The following HNRNPA2B1 variants were observed in gnomAD, a reference collection of about 807,000 sequenced individuals.
The protein encoded by HNRNPA2B1 is heterogeneous nuclear ribonucleoproteins A2/B1.
HNRNPA2B1 carries 3 observed loss-of-function variants against 46.3 expected under a neutral mutation model. That is an observed-to-expected ratio of 0.06 (90% CI 0.03 to 0.17). The LOEUF (loss-of-function observed/expected upper bound fraction) is 0.17. Ranked by LOEUF, HNRNPA2B1 falls within the 10% of genes least tolerant of loss-of-function variation. The pLI is 1.00. For missense variants in HNRNPA2B1, 221 were observed against 418.9 expected (o/e 0.53, Z 4.12); for synonymous variants, 225 against 133.8 (o/e 1.68, Z -4.70).
rs1026836060 is a variant in HNRNPA2B1 at position 26,189,935 on chromosome 7, A to G, written c.*2425T>C. The G allele has an allele frequency of 1.3e-5, 2 of 152,226 alleles. No homozygotes were observed. The highest frequency in any genetic ancestry group is 6.5e-5 in the Admixed American group (1 of 15,274). The allele number at this position is 152,226 out of a possible 1,614,324, so 9.4% of individuals were successfully genotyped here. A position where few individuals can be genotyped will look rare whatever the true frequency, so the allele number is the denominator to read the frequency against. On this transcript the variant is annotated 3_prime_UTR_variant, in exon 11 of 11. Transcript: ENST00000618183. ...TACTCAAACGCTGAATATACAGTGC[A>G]TAATGAACAGCATTTTATTGGGGAC... is the stretch of plus-strand genomic sequence containing the variant.
rs753120818 is a variant in HNRNPA2B1 at position 26,196,666 on chromosome 7, G to A, written c.476-8C>T. On this transcript the variant is annotated splice_polypyrimidine_tract_variant and splice_region_variant and intron_variant, in intron 4 of 10. Transcript: ENST00000618183. ...TGGTATGGTATTTCTGCACTGGAAT[G>A]AAAAATTCAGACTCCTTTTAAATTA... The A allele has an allele frequency of 2.2e-5, 36 of 1,604,576 alleles. No homozygotes were observed. Among genetic ancestry groups the A allele is most frequent in the Non-Finnish European group, 2.8e-5 (33 of 1,173,010 alleles).
intron 1 of HNRNPA2B1, 168 bp downstream of exon 1, chr7:26,200,404 C>T: frequency 4.1e-6 from 3 of 724,964 alleles, no homozygotes; most frequent in Middle Eastern, 2.4e-4. Flanking sequence ...GCTGTTTGTA[C>T]GCTCAGGCCT....
chr7:26,193,836 T>C (rs1244291646), intron 7 of HNRNPA2B1, 142 bp from the exon 8 acceptor site: 2 of 740,062 alleles, frequency 2.7e-6, no homozygotes, highest in East Asian at 2.9e-5. Flanking sequence ...AAGGACTGAA[T>C]AACTATCCTT....
At chr7:26,195,594 A>C (rs1783488149) in intron 7 of HNRNPA2B1, 2 of 482,446 alleles carry the variant, frequency 4.1e-6, no homozygotes, top group Non-Finnish European at 3.7e-6. Flanking sequence ...ATCTAGATCC[A>C]ATCATTTTGC....
intron 9 of HNRNPA2B1, 35 bp downstream of exon 9, chr7:26,193,216 C>A: frequency 6.3e-7 from 1 of 1,597,548 alleles, no homozygotes; most frequent in Non-Finnish European, 8.5e-7. Flanking sequence ...CCTTTAATCA[C>A]AAAAATCTGA....
intron 1 of HNRNPA2B1, chr7:26,199,843 T>C (rs1784162688): frequency 6.6e-6 from 1 of 152,074 alleles, no homozygotes; most frequent in Admixed American, 6.5e-5. Flanking sequence ...GGTGATATCT[T>C]CTCTGAAACC....
chr7:26,194,327 C>T (rs142239972), intron 7 of HNRNPA2B1, among the ~76,000 whole-genome samples: 1,575 of 151,976 alleles, frequency 0.01, 18 homozygotes, highest in African/African-American at 0.031. Context: ...ACCCGGGAGG[C>T]AGAGGTTGCA....
In HNRNPA2B1 at chr7:26,192,580, A is replaced by G. The variant is rs111258330; in HGVS notation, c.965-3T>C. On this transcript the variant is annotated splice_region_variant and splice_polypyrimidine_tract_variant and intron_variant, in intron 9 of 10. Transcript: ENST00000618183. ...ACTGCCTCCTGGACCATAGTTTCCT[A>G]TAATTGTTGGAACAGCAAGAGAAAA... is the stretch of plus-strand genomic sequence containing the variant. 30 of 1,613,640 alleles carry G rather than the reference A, an allele frequency of 1.9e-5. No homozygotes were observed. The highest frequency in any genetic ancestry group is 1.4e-4 in the South Asian group (13 of 91,070).
rs759591567 is a variant in HNRNPA2B1, at chr7:26,196,422, T to C, written c.637A>G (p.Ser213Gly). 2.5e-6 allele frequency: 4 copies of C among 1,613,962 alleles called. No individual in the cohort carries two copies. The highest frequency in any genetic ancestry group is 1.3e-5 in the African/African-American group (1 of 74,918). The change falls in exon 6 of 11, where the codon AGT becomes GGT. Residue 213 changes from serine to glycine, a missense_variant. Around this residue, in one of 2 missense-constraint regions of HNRNPA2B1, gnomAD observed 143 missense variants for 200.5 expected, o/e 0.71. Transcript: ENST00000618183. Reference sequence around the variant, plus strand: ...TCACCAGATCCTCCTCTAAAGTTACTTCCTGGTCCTGGTCCGAAATTTCCA... The same window carrying C: ...TCACCAGATCCTCCTCTAAAGTTACCTCCTGGTCCTGGTCCGAAATTTCCA... ...GGGNFGPGPG[S>G]NFRGGSDGYG...
At chr7:26,196,502 A>T in intron 5 of HNRNPA2B1, 21 bp from the exon 6 acceptor site, 1 of 1,613,902 alleles carries the variant, frequency 6.2e-7, no homozygotes, top group Non-Finnish European at 8.5e-7. Context: ...TGCCCCAGTT[A>T]GAAGCAAGCC....
chr7:26,199,323 T>A (rs550228313), intron 1 of HNRNPA2B1: 29 of 152,670 alleles, frequency 1.9e-4, no homozygotes, highest in African/African-American at 7.0e-4. Flanking sequence ...CAATGTAATG[T>A]TCAACCAAGA....
chr7:26,196,036 T>C, intron 6 of HNRNPA2B1, 127 bp from the exon 7 acceptor site: 1 of 1,272,260 alleles, frequency 7.9e-7, no homozygotes, highest in Non-Finnish European at 1.1e-6. Context: ...ACACCAGTGC[T>C]ACCAGTTTAC....
rs1208573631 is a variant in HNRNPA2B1 at position 26,195,886 on chromosome 7, A to G, written c.682T>C (p.Phe228Leu). The change falls in exon 7 of 11, where the codon TTT becomes CTT. Residue 228 changes from phenylalanine (F) to leucine (L), a missense_variant. By Grantham distance (22) the Phe-to-Leu change is conservative. This residue lies in a region of HNRNPA2B1 where 143 missense variants were observed against 200.5 expected (regional missense o/e 0.71). Coordinates refer to ENST00000618183, the MANE Select transcript of HNRNPA2B1 (RefSeq NM_002137.4). Reference protein sequence around the residue: ...GSDGYGSGRGFGDGYNGYGGG... With the variant: ...GSDGYGSGRGLGDGYNGYGGG... ...CCATACCCATTATAGCCATCCCCAA[A>G]TCCACGTCCACTGCCATATCCATCT... The G allele has an allele frequency of 6.2e-7, 1 of 1,609,920 alleles. No homozygotes were observed.
rs1416641470 is a variant in HNRNPA2B1, at chr7:26,192,576, T to C, written c.966A>G (p.Gly322=). 7.4e-6 allele frequency: 12 copies of C among 1,613,758 alleles called. No individual in the cohort carries two copies. The highest frequency in any genetic ancestry group is 8.5e-6 in the Non-Finnish European group (10 of 1,179,752). Residue 322 remains glycine, a splice_region_variant and synonymous_variant, in exon 10 of 11, where the codon GGA becomes GGG. Transcript: ENST00000618183. Reference sequence around the variant, plus strand: ...CTCCACTGCCTCCTGGACCATAGTTTCCTATAATTGTTGGAACAGCAAGAG... The same window carrying C: ...CTCCACTGCCTCCTGGACCATAGTTCCCTATAATTGTTGGAACAGCAAGAG... ...SRNMGGPYGG[G]NYGPGGSGGS... is the part of the protein sequence containing the mutation.
At chr7:26,192,632 A>G (rs1783027387) in intron 9 of HNRNPA2B1, 55 bp from the exon 10 acceptor site, 3 of 1,363,040 alleles carry the variant, frequency 2.2e-6, no homozygotes, top group East Asian at 2.3e-5. Flanking sequence ...TCCCATGATC[A>G]GCCTAACACT....
chr7:26,193,943 A>C (rs1378035346), intron 7 of HNRNPA2B1, among the ~76,000 whole-genome samples: 1 of 152,246 alleles, frequency 6.6e-6, no homozygotes, highest in Non-Finnish European at 1.5e-5. Flanking sequence ...CTCAAAACTA[A>C]AAATCTTAAG....
chr7:26,198,666 C>A (rs1415355899), intron 1 of HNRNPA2B1: 2 of 152,232 alleles, frequency 1.3e-5, no homozygotes, highest in South Asian at 4.1e-4. Context: ...CTGTACTACA[C>A]AGCTGTATTC....
chr7:26,199,675 G>A (rs1449437493), intron 1 of HNRNPA2B1: 1 of 152,012 alleles, frequency 6.6e-6, no homozygotes, highest in Non-Finnish European at 1.5e-5. Flanking sequence ...CGTGGCCGAT[G>A]GCTTCCAATT....
chr7:26,193,781 AGTTTCCAT>A, intron 7 of HNRNPA2B1, 87 bp from the exon 8 acceptor site: 1 of 1,120,834 alleles, frequency 8.9e-7, no homozygotes, highest in Non-Finnish European at 1.3e-6. Context: ...CAGCTTTCCA[AGTTTCCAT>A]GTGAAATATT....
Sources: gnomAD v4.1 joint callset for allele counts (sites outside exome capture counted in the v4.1 genomes callset) on GRCh38, gnomAD v4.1.1 for gene constraint, gnomAD v4.1.1 regional missense constraint, MANE v1.5 for transcripts, NCBI Gene and HGNC (gene_info 2026-07-23, HGNC 2026-07-21) for gene names.